CSMD2: variants seen among roughly 807,000 people sequenced by gnomAD.
The protein encoded by CSMD2 is CUB and sushi domain-containing protein 2.
CSMD2 carries 130 observed loss-of-function variants against 398.5 expected under a neutral mutation model. The ratio of observed to expected loss-of-function variants is 0.33; its 90% CI spans 0.28 to 0.38. The LOEUF is 0.38. CSMD2 is among the 10% of genes least tolerant of loss of function. CSMD2 has a pLI of 1.00. For missense variants in CSMD2, 3,829 were observed against 4,764.9 expected (o/e 0.80, Z 5.78); for synonymous variants, 1,828 against 1,908.5 (o/e 0.96, Z 1.10).
At chr1:34,072,517 C>T (rs1655840998) in intron 2 of CSMD2, among the ~76,000 whole-genome samples, 1 of 152,142 alleles carries the variant, frequency 6.6e-6, no homozygotes, top group Admixed American at 6.5e-5. Context: ...CAAGTCTGCT[C>T]TAGGGGAATG....
chr1:33,923,372 T>C (rs1644016362), intron 4 of CSMD2, among the ~76,000 whole-genome samples: 1 of 152,118 alleles, frequency 6.6e-6, no homozygotes, highest in African/African-American at 2.4e-5. Context: ...GCTCTGGTCA[T>C]GTGAAGTGCC....
At chr1:33,738,138 A>G (rs565144333) in intron 15 of CSMD2, among the ~76,000 whole-genome samples, 1 of 152,158 alleles carries the variant, frequency 6.6e-6, no homozygotes, top group East Asian at 1.9e-4. Flanking sequence ...CTTCCTGTTC[A>G]TGGCCACTAT....
rs114988548 is a variant in CSMD2, at chr1:34,105,938, T to C, written c.188-16745A>G. ...GTAGAAATGCTGTTTCAGTAGGAGA[T>C]TAGTGAAAATAATGCAATTGTCCTC... On this transcript the variant is annotated intron_variant, in intron 1 of 70. Transcript: ENST00000373381. Among the ~76,000 whole-genome samples the C allele has an allele frequency of 5.9e-3, 899 of 152,270 alleles. 13 individuals carry two copies. The highest frequency in any genetic ancestry group is 0.021 in the African/African-American group (856 of 41,546).
intron 2 of CSMD2, among the ~76,000 whole-genome samples, chr1:34,083,700 T>C (rs1657525506): frequency 6.6e-6 from 1 of 152,196 alleles, no homozygotes; most frequent in African/African-American, 2.4e-5. Context: ...GTGGATCACT[T>C]AAGCTCAGGA....
chr1:33,972,054 A>G (rs916568559), intron 3 of CSMD2, among the ~76,000 whole-genome samples: 1 of 152,114 alleles, frequency 6.6e-6, no homozygotes, highest in Non-Finnish European at 1.5e-5. Context: ...CACGACAGCC[A>G]CCCCTTAAGG....
chr1:33,822,408 C>T (rs960328924), intron 7 of CSMD2, among the ~76,000 whole-genome samples: 13 of 152,064 alleles, frequency 8.5e-5, no homozygotes, highest in Admixed American at 2.0e-4. Context: ...TGAAGTAGAC[C>T]GTGTTTAAAC....
chr1:33,572,007 A>G (rs1172664870), intron 50 of CSMD2, among the ~76,000 whole-genome samples: 1 of 152,170 alleles, frequency 6.6e-6, no homozygotes, highest in Non-Finnish European at 1.5e-5. Context: ...TTAGATTTTC[A>G]TTTTTCAAGA....
At chr1:33,824,686 A>G (rs1246001125) in intron 7 of CSMD2, among the ~76,000 whole-genome samples, 1 of 144,294 alleles carries the variant, frequency 6.9e-6, no homozygotes, top group African/African-American at 2.5e-5. Context: ...AGGAATGGGG[A>G]GGGTGGGAGG....
intron 5 of CSMD2, among the ~76,000 whole-genome samples, chr1:33,875,090 C>A (rs570959428): frequency 1.3e-5 from 2 of 152,310 alleles, no homozygotes; most frequent in African/African-American, 4.8e-5. Context: ...CCACTCCCAC[C>A]CCTCTATGCT....
chr1:33,959,275 C>G (rs1331895751), intron 3 of CSMD2, among the ~76,000 whole-genome samples: 1 of 152,166 alleles, frequency 6.6e-6, no homozygotes, highest in Non-Finnish European at 1.5e-5. Flanking sequence ...TGAGAAAACA[C>G]AAAAGCCTGA....
intron 27 of CSMD2, among the ~76,000 whole-genome samples, chr1:33,655,638 G>C (rs562645008): frequency 7.2e-5 from 11 of 152,242 alleles, no homozygotes; most frequent in African/African-American, 2.6e-4. Flanking sequence ...TGCCTATCAC[G>C]GGGACAGCAT....
chr1:33,635,210 A>G lies in CSMD2; in HGVS notation c.5086+4T>C. The G allele has an allele frequency of 1.9e-6, 3 of 1,586,200 alleles. No homozygotes were observed. Among genetic ancestry groups the G allele is most frequent in the Non-Finnish European group, 2.6e-6 (3 of 1,155,626 alleles). On this transcript the variant is annotated splice_donor_region_variant and intron_variant, in intron 31 of 70. Transcript: ENST00000373381. This position sits in a 1 kb window ranked among gnomAD's most constrained non-coding sequence, Gnocchi z 5.0. ...ATATGAACAACAACAACCAAAACCC[A>G]TACCATAGTCCTTGGGCACAGTAAC...
chr1:33,747,307 G>C (rs78961874), intron 13 of CSMD2, among the ~76,000 whole-genome samples: 3 of 152,146 alleles, frequency 2.0e-5, no homozygotes, highest in African/African-American at 7.2e-5. Flanking sequence ...AATATAAGAC[G>C]TTATTCCTGC....
chr1:33,736,064 C>T (rs960155158), intron 15 of CSMD2, among the ~76,000 whole-genome samples: 3 of 152,208 alleles, frequency 2.0e-5, no homozygotes, highest in Non-Finnish European at 4.4e-5. Flanking sequence ...GCATCAAATG[C>T]CCATCGCTCT....
chr1:33,832,113 A>T, intron 6 of CSMD2, among the ~76,000 whole-genome samples: 1 of 128,308 alleles, frequency 7.8e-6, no homozygotes, highest in Non-Finnish European at 1.6e-5. Context: ...CGAGACAGAA[A>T]GTTAACAAGG....
intron 33 of CSMD2, 52 bp downstream of exon 33, chr1:33,626,434 C>T: frequency 7.6e-7 from 1 of 1,311,312 alleles, no homozygotes; most frequent in Non-Finnish European, 1.1e-6. Flanking sequence ...GATCACGAGT[C>T]CCTTAAGAAC....
At chr1:33,710,426 AATGG>A (rs1246213537) in intron 21 of CSMD2, among the ~76,000 whole-genome samples, 1 of 151,820 alleles carries the variant, frequency 6.6e-6, no homozygotes. Flanking sequence ...TGAATGAATG[AATGG>A]ATATGGAGTA....
At chr1:33,869,800 C>T (rs1640323432) in intron 5 of CSMD2, among the ~76,000 whole-genome samples, 2 of 152,298 alleles carry the variant, frequency 1.3e-5, no homozygotes, top group South Asian at 2.1e-4. Context: ...CTTTCTCTCT[C>T]TCCCCATCGC....
chr1:34,062,006 G>A (rs1443375170), intron 2 of CSMD2, among the ~76,000 whole-genome samples: 1 of 152,164 alleles, frequency 6.6e-6, no homozygotes, highest in East Asian at 1.9e-4. Flanking sequence ...ATCTGTGTAT[G>A]GGATCCCCAG....
Sources: gnomAD v4.1 joint callset for allele counts (sites outside exome capture counted in the v4.1 genomes callset) on GRCh38, gnomAD v4.1.1 for gene constraint, Gnocchi (gnomAD v3.1) non-coding constraint, MANE v1.5 for transcripts, NCBI Gene and HGNC (gene_info 2026-07-23, HGNC 2026-07-21) for gene names.